Variants in ITGB8 observed in about 807,000 individuals in gnomAD.
ITGB8 encodes the protein integrin beta-8.
ITGB8 carries 30 observed loss-of-function variants against 89.5 expected under a neutral mutation model. The observed-to-expected ratio is 0.34, with a 90% confidence interval of 0.25 to 0.45. The LOEUF is 0.45. Ranked by LOEUF, ITGB8 falls within the 20% of genes least tolerant of loss-of-function variation. The probability of loss-of-function intolerance (pLI) is 1.00; values close to 1 mark genes in which losing one functional copy is unlikely to be tolerated. For missense variants in ITGB8, 836 were observed against 933.3 expected (o/e 0.90, Z 1.36); for synonymous variants, 335 against 320.4 (o/e 1.05, Z -0.49).
At chr7:20,348,796 A>G (rs893337357) in intron 1 of ITGB8, among the ~76,000 whole-genome samples, 5 of 152,206 alleles carry the variant, frequency 3.3e-5, no homozygotes, top group Non-Finnish European at 5.9e-5. Context: ...GCTGGGGAGA[A>G]TCTCATAAGT....
rs182097656 is a variant in ITGB8, at chr7:20,397,460, A to C, written c.1147-1400A>C. Among the ~76,000 whole-genome samples, 326 of 152,294 alleles carry C rather than the reference A, an allele frequency of 2.1e-3. 11 individuals are homozygous for C. Among genetic ancestry groups the C allele is most frequent in the Admixed American group, 0.019 (297 of 15,292 alleles). On this transcript the variant is annotated intron_variant, in intron 8 of 13. Transcript: ENST00000222573. ...ACGCTGGTCTGGAACTGCTGATCTC[A>C]AGTGAGCCACCTGCCTCAGCCTCCC... is the stretch of plus-strand genomic sequence containing the variant.
intron 1 of ITGB8, among the ~76,000 whole-genome samples, chr7:20,354,495 G>A (rs374481309): frequency 4.5e-4 from 69 of 152,290 alleles, no homozygotes; most frequent in African/African-American, 1.6e-3. Context: ...AAAACAGGAC[G>A]AAGTAAGATT....
intron 1 of ITGB8, among the ~76,000 whole-genome samples, chr7:20,359,350 G>C (rs1193146914): frequency 6.6e-6 from 1 of 152,186 alleles, no homozygotes; most frequent in Non-Finnish European, 1.5e-5. Flanking sequence ...CGAATATAAA[G>C]AATAAGGTGC....
intron 10 of ITGB8, among the ~76,000 whole-genome samples, chr7:20,403,299 A>G (rs1199549203): frequency 6.6e-6 from 1 of 152,204 alleles, no homozygotes. Context: ...CAGTGAAGAG[A>G]AAGAATTTTC....
At chr7:20,392,017 A>G (rs143715942) in intron 7 of ITGB8, among the ~76,000 whole-genome samples, 235 of 152,250 alleles carry the variant, frequency 1.5e-3, no homozygotes, top group African/African-American at 5.2e-3. Context: ...CACACATAAG[A>G]ATAATCTTGG....
chr7:20,343,872 A>C (rs1784839427), intron 1 of ITGB8, among the ~76,000 whole-genome samples: 1 of 152,212 alleles, frequency 6.6e-6, no homozygotes, highest in South Asian at 2.1e-4. Context: ...GCTTTTGAAC[A>C]TCTTTTTAAT....
At chr7:20,365,919 A>C (rs1035728503) in intron 2 of ITGB8, 30 of 147,898 alleles carry the variant, frequency 2.0e-4, no homozygotes, top group African/African-American at 7.5e-4. Context: ...CCCCATGATT[A>C]GGTTAGATAA....
intron 1 of ITGB8, among the ~76,000 whole-genome samples, chr7:20,336,429 AC>A (rs1040015700): frequency 1.5e-4 from 23 of 152,192 alleles, no homozygotes; most frequent in Non-Finnish European, 1.5e-5. Flanking sequence ...AAAGGCAAAG[AC>A]CCTAACGCAT....
intron 1 of ITGB8, among the ~76,000 whole-genome samples, chr7:20,355,942 A>G (rs776840979): frequency 1.1e-4 from 16 of 152,318 alleles, no homozygotes; most frequent in Non-Finnish European, 1.9e-4. Flanking sequence ...TATTTGAATG[A>G]CATCTGCTTC....
Position 20,331,938 on chromosome 7 carries a change from G to C in ITGB8, c.127+5G>C, listed in dbSNP as rs1562644233. On this transcript the variant is annotated splice_donor_5th_base_variant and intron_variant, in intron 1 of 13. Coordinates refer to ENST00000222573, the MANE Select transcript of ITGB8 (RefSeq NM_002214.3). ...TTCTTGGACTGGGCCAAGGTGGTAA[G>C]TTGTTTTGTTTTGTTTTGTTTTCTT... The C allele has an allele frequency of 1.2e-6, 2 of 1,614,026 alleles. No individual in the cohort carries two copies. The highest frequency in any genetic ancestry group is 1.7e-6 in the Non-Finnish European group (2 of 1,179,966).
At chr7:20,404,596 A>C (rs934136561) in intron 10 of ITGB8, 32 bp from the exon 11 acceptor site, 3 of 1,580,290 alleles carry the variant, frequency 1.9e-6, no homozygotes, top group Non-Finnish European at 2.6e-6. Flanking sequence ...AGTGATCCAG[A>C]TAACATAGGT....
intron 3 of ITGB8, among the ~76,000 whole-genome samples, chr7:20,368,987 T>C (rs1470285562): frequency 6.6e-6 from 1 of 152,210 alleles, no homozygotes; most frequent in Non-Finnish European, 1.5e-5. Context: ...CCATCGCCCC[T>C]TTCAGCACAC....
chr7:20,394,062 A>G (rs902384862), intron 7 of ITGB8, among the ~76,000 whole-genome samples: 7 of 152,238 alleles, frequency 4.6e-5, no homozygotes, highest in Non-Finnish European at 1.0e-4. Flanking sequence ...CTAATAAATG[A>G]ATTTTTAAAA....
At chr7:20,337,303 G>T (rs930314927) in intron 1 of ITGB8, among the ~76,000 whole-genome samples, 3 of 151,914 alleles carry the variant, frequency 2.0e-5, no homozygotes, top group African/African-American at 7.3e-5. Context: ...ACAAAAACTG[G>T]AATTTATAGT....
intron 1 of ITGB8, among the ~76,000 whole-genome samples, chr7:20,352,081 T>G (rs1425997207): frequency 6.6e-6 from 1 of 152,140 alleles, no homozygotes; most frequent in African/African-American, 2.4e-5. Flanking sequence ...ATGGAAAATT[T>G]CCAGTGAAAA....
rs1425920878 is a variant in ITGB8 at position 20,331,244 on chromosome 7, T to G, written c.-563T>G. ...GGCTGCAAAGCTGCAACTAATGGTG[T>G]TGGCCTCCCTGCCCACCTGTGGAAG... On this transcript the variant is annotated 5_prime_UTR_variant, in exon 1 of 14. Transcript: ENST00000222573. The G allele has an allele frequency of 3.8e-6, 1 of 266,116 alleles. No homozygotes were observed. Among genetic ancestry groups the G allele is most frequent in the Admixed American group, 5.4e-5 (1 of 18,524 alleles). The allele number at this position is 266,116 out of a possible 1,614,324, so 16.5% of individuals were successfully genotyped here. A position where few individuals can be genotyped will look rare whatever the true frequency, so the allele number is the denominator to read the frequency against.
At chr7:20,388,362 G>T (rs1394742619) in intron 6 of ITGB8, among the ~76,000 whole-genome samples, 1 of 152,208 alleles carries the variant, frequency 6.6e-6, no homozygotes, top group Non-Finnish European at 1.5e-5. Context: ...GAACAGGAGA[G>T]TTGGCTGAGA....
rs557509941 is a variant in ITGB8 at position 20,401,163 on chromosome 7, G to C, written c.1282-558G>C. Among the ~76,000 whole-genome samples, 13 of 152,110 alleles carry C rather than the reference G, an allele frequency of 8.5e-5. No homozygotes were observed. The East Asian group carries it at 2.5e-3, about 29-fold the overall frequency. On this transcript the variant is annotated intron_variant, in intron 9 of 13. Transcript: ENST00000222573. Reference sequence around the variant, plus strand: ...TCAGCTAATTTTTGAATTTTTAGTAGAGATAGGGTTTCACCATGTTGGCTA... The same window carrying C: ...TCAGCTAATTTTTGAATTTTTAGTACAGATAGGGTTTCACCATGTTGGCTA...
chr7:20,407,276 G>A (rs564817427), intron 12 of ITGB8, among the ~76,000 whole-genome samples: 2 of 138,744 alleles, frequency 1.4e-5, no homozygotes, highest in African/African-American at 2.6e-5. Context: ...AAACTGAATC[G>A]CAAACTCATT....
Sources: allele counts gnomAD v4.1 joint callset (sites outside exome capture counted in the v4.1 genomes callset), GRCh38; gene constraint gnomAD v4.1.1; transcripts MANE v1.5; gene names NCBI Gene and HGNC (gene_info 2026-07-23, HGNC 2026-07-21).